The following KANK1 variants were observed in gnomAD, a reference collection of about 807,000 sequenced individuals.
KANK1 encodes KN motif and ankyrin repeat domain-containing protein 1.
A neutral mutation model predicts 106.2 loss-of-function variants in KANK1; 109 were observed. That is an observed-to-expected ratio of 1.03 (90% CI 0.88 to 1.20). The LOEUF is 1.20. KANK1 is among the 50% of genes most tolerant of loss of function. The pLI is 0.00. For synonymous variants in KANK1, 873 were observed against 652.2 expected, an observed-to-expected ratio of 1.34 and a Z score of -5.16; for missense variants, 2,399 against 1,710.7, an observed-to-expected ratio of 1.40 and a Z score of -7.10.
intron 2 of KANK1, among the ~76,000 whole-genome samples, chr9:679,119 G>A (rs9407356): frequency 0.64 from 97,003 of 151,956 alleles, 31,906 homozygotes; most frequent in East Asian, 0.9. Context: ...TGAGGTTGAA[G>A]GCAAAAGAAA....
chr9:713,838 A>G (rs1021707050), intron 3 of KANK1, among the ~76,000 whole-genome samples: 2 of 152,210 alleles, frequency 1.3e-5, no homozygotes, highest in African/African-American at 2.4e-5. Flanking sequence ...GTTTGTACCC[A>G]CTATTACCAG....
At chr9:593,471 C>A (rs1382947447) in intron 1 of KANK1, among the ~76,000 whole-genome samples, 2 of 140,510 alleles carry the variant, frequency 1.4e-5, no homozygotes, top group East Asian at 2.4e-4. Flanking sequence ...CATATACTTG[C>A]ATTTTTTTTT....
Position 550,296 on chromosome 9 carries a change from G to A in KANK1, c.-84+45542G>A, listed in dbSNP as rs79292647. 4.8e-3 allele frequency among the ~76,000 whole-genome samples: 726 copies of A among 152,152 alleles called. 6 individuals are homozygous for A. Among genetic ancestry groups the A allele is most frequent in the African/African-American group, 0.016 (677 of 41,538 alleles). On this transcript the variant is annotated intron_variant, in intron 1 of 11. Transcript: ENST00000382297. ...ATCTTAACTGGGTTTTATGAAAGCC[G>A]TTATAGGGTGTTTATTACCAAAAAA...
At chr9:639,976 T>A (rs1286371380) in intron 1 of KANK1, among the ~76,000 whole-genome samples, 3 of 152,124 alleles carry the variant, frequency 2.0e-5, no homozygotes, top group African/African-American at 7.2e-5. Flanking sequence ...AGAGGACCCA[T>A]CCTTAATGCC....
At chr9:738,208 C>A in intron 7 of KANK1, 77 bp from the exon 8 acceptor site, 1 of 1,172,898 alleles carries the variant, frequency 8.5e-7, no homozygotes, top group Non-Finnish European at 1.2e-6. Context: ...TATAAAAGGA[C>A]AGGTTACTTG....
intron 1 of KANK1, among the ~76,000 whole-genome samples, chr9:613,460 A>G (rs1831052403): frequency 6.6e-6 from 1 of 151,954 alleles, no homozygotes; most frequent in African/African-American, 2.4e-5. Context: ...TTAAAACATG[A>G]GATTTTTTTA....
At chr9:677,216 G>A (rs1456801561) in intron 2 of KANK1, among the ~76,000 whole-genome samples, 1 of 152,162 alleles carries the variant, frequency 6.6e-6, no homozygotes, top group Non-Finnish European at 1.5e-5. Context: ...GAAATCAATT[G>A]AGTAAATTAT....
At chr9:743,369 A>T (rs1457899118) in intron 10 of KANK1, among the ~76,000 whole-genome samples, 1 of 152,224 alleles carries the variant, frequency 6.6e-6, no homozygotes, top group Non-Finnish European at 1.5e-5. Context: ...CTGCAGCTGT[A>T]GCAGATTCCC....
chr9:494,918 A>T (rs971781997), intron 3 of KANK1, among the ~76,000 whole-genome samples: 1 of 152,230 alleles, frequency 6.6e-6, no homozygotes, highest in Non-Finnish European at 1.5e-5. Context: ...ATAACACAGA[A>T]GGGGCAAGTC....
intron 2 of KANK1, among the ~76,000 whole-genome samples, chr9:687,847 G>A (rs1818917991): frequency 2.0e-5 from 3 of 152,086 alleles, no homozygotes; most frequent in Admixed American, 2.0e-4. Context: ...AAGAGTTACG[G>A]TTGTGTGCGT....
intron 1 of KANK1, among the ~76,000 whole-genome samples, chr9:672,447 T>C (rs567756309): frequency 6.6e-6 from 1 of 152,320 alleles, no homozygotes; most frequent in African/African-American, 2.4e-5. Flanking sequence ...AGTGACATCT[T>C]TTTTATTAGT....
chr9:520,493 TC>T (rs1563708809), intron 1 of KANK1, among the ~76,000 whole-genome samples: 1 of 151,716 alleles, frequency 6.6e-6, no homozygotes, highest in Non-Finnish European at 1.5e-5. Context: ...GGTTAATTCT[TC>T]CATCTGGAGA....
At chr9:634,860 A>T (rs577362934) in intron 1 of KANK1, among the ~76,000 whole-genome samples, 6 of 152,278 alleles carry the variant, frequency 3.9e-5, no homozygotes, top group African/African-American at 1.4e-4. Context: ...CCAGGTTCTT[A>T]TTGTCACTTC....
At chr9:533,189 C>G (rs998107408) in intron 1 of KANK1, among the ~76,000 whole-genome samples, 1 of 152,124 alleles carries the variant, frequency 6.6e-6, no homozygotes, top group Admixed American at 6.5e-5. Context: ...TTAATTTTTT[C>G]AGTAAAATTC....
intron 1 of KANK1, among the ~76,000 whole-genome samples, chr9:663,519 C>G (rs1284076298): frequency 6.6e-6 from 1 of 152,196 alleles, no homozygotes; most frequent in Non-Finnish European, 1.5e-5. Context: ...AGTTGGTTAA[C>G]TGAAAAAGAG....
intron 1 of KANK1, among the ~76,000 whole-genome samples, chr9:657,976 C>G (rs1188021988): frequency 6.6e-6 from 1 of 151,962 alleles, no homozygotes; most frequent in Non-Finnish European, 1.5e-5. Context: ...TCACTACAGC[C>G]TCGAACTCCT....
chr9:651,541 T>A (rs1456586702), intron 1 of KANK1, among the ~76,000 whole-genome samples: 1 of 152,198 alleles, frequency 6.6e-6, no homozygotes, highest in Non-Finnish European at 1.5e-5. Flanking sequence ...GTTGAAAGGA[T>A]AAAGGAATGC....
intron 2 of KANK1, among the ~76,000 whole-genome samples, chr9:678,074 G>A (rs375219216): frequency 7.9e-5 from 12 of 152,186 alleles, no homozygotes; most frequent in African/African-American, 1.2e-4. Flanking sequence ...TTATTCTAGC[G>A]GTCTCAGCTG....
intron 1 of KANK1, chr9:660,290 G>A (rs9407340): frequency 0.82 from 189,783 of 230,354 alleles, 78,495 homozygotes; most frequent in East Asian, 0.97. Flanking sequence ...AGATTGGAAT[G>A]GCTAAGGACA....
Sources: gnomAD v4.1 joint callset for allele counts (sites outside exome capture counted in the v4.1 genomes callset) on GRCh38, gnomAD v4.1.1 for gene constraint, MANE v1.5 for transcripts, NCBI Gene and HGNC (gene_info 2026-07-23, HGNC 2026-07-21) for gene names.